REC114: variants seen among roughly 807,000 people sequenced by gnomAD.
REC114 encodes the protein REC114 meiotic recombination protein.
A neutral mutation model predicts 31.3 loss-of-function variants in REC114; 27 were observed. That is an observed-to-expected ratio of 0.86 (90% CI 0.64 to 1.19). The LOEUF is 1.19. Among genes scored for constraint, REC114 ranks in the 50% most tolerant of loss-of-function variants. The pLI is 0.00. For synonymous variants in REC114, 134 were observed against 127.7 expected (o/e 1.05, Z -0.33); for missense variants, 344 against 326.9 (o/e 1.05, Z -0.40).
Position 73,550,919 on chromosome 15 carries a change from CTT to C in REC114, c.334-16_334-15del. 6.2e-7 allele frequency: 1 copy of C among 1,612,098 alleles called. No homozygotes were observed. Among genetic ancestry groups the C allele is most frequent in the East Asian group, 2.2e-5 (1 of 44,874 alleles). Reference sequence around the variant, plus strand: ...ATATGATGAGGGTCTCTCATGATAACTTTTGATTTGTCAAACAGGACAAGAGT... The same window carrying C: ...ATATGATGAGGGTCTCTCATGATAACTTGATTTGTCAAACAGGACAAGAGT... On this transcript the variant is annotated splice_polypyrimidine_tract_variant and intron_variant, in intron 3 of 5. Transcript: ENST00000331090.
At chr15:73,466,020 T>G (rs1222714205) in intron 1 of REC114, among the ~76,000 whole-genome samples, 1 of 151,084 alleles carries the variant, frequency 6.6e-6, no homozygotes, top group Admixed American at 6.6e-5. Flanking sequence ...CCTGGCTAAT[T>G]TTTTCATTTT....
chr15:73,481,749 C>T (rs1022437625), intron 2 of REC114, among the ~76,000 whole-genome samples: 2 of 149,816 alleles, frequency 1.3e-5, no homozygotes, highest in South Asian at 2.1e-4. Context: ...ACCTCTGCCT[C>T]CCAGGTTCAA....
intron 3 of REC114, among the ~76,000 whole-genome samples, chr15:73,546,281 A>C (rs1034039540): frequency 3.9e-5 from 6 of 152,138 alleles, no homozygotes; most frequent in Admixed American, 2.0e-4. Flanking sequence ...GGTGGGAGTA[A>C]ATAAGCCCTG....
chr15:73,551,450 T>TAA (rs1299182367), intron 4 of REC114, among the ~76,000 whole-genome samples: 5 of 152,138 alleles, frequency 3.3e-5, no homozygotes, highest in African/African-American at 1.2e-4. Context: ...TTATTTTTCT[T>TAA]AATATTTAAA....
intron 2 of REC114, among the ~76,000 whole-genome samples, chr15:73,532,751 G>A (rs987136668): frequency 6.6e-6 from 1 of 152,102 alleles, no homozygotes; most frequent in African/African-American, 2.4e-5. Flanking sequence ...CACCAAAGTT[G>A]AAATAAAGGA....
At chr15:73,535,237 A>ATT (rs1894138718) in intron 2 of REC114, among the ~76,000 whole-genome samples, 1 of 150,464 alleles carries the variant, frequency 6.6e-6, no homozygotes, top group South Asian at 2.1e-4. Flanking sequence ...AGGAAGCCAA[A>ATT]TTGTCCCTGT....
chr15:73,485,118 G>GTC (rs1893347565), intron 2 of REC114, among the ~76,000 whole-genome samples: 1 of 152,132 alleles, frequency 6.6e-6, no homozygotes, highest in Non-Finnish European at 1.5e-5. Flanking sequence ...TTGAGATGGA[G>GTC]TCTCACTCTG....
chr15:73,452,826 C>T (rs796315982), intron 1 of REC114, among the ~76,000 whole-genome samples: 6 of 152,148 alleles, frequency 3.9e-5, no homozygotes, highest in Admixed American at 3.3e-4. Flanking sequence ...AGAAATAACA[C>T]CACACATCTA....
rs182975254 is a variant in REC114, at chr15:73,471,379, A to C, written c.160-2453A>C. On this transcript the variant is annotated intron_variant, in intron 1 of 5. Coordinates refer to ENST00000331090, the MANE Select transcript of REC114 (RefSeq NM_001042367.2). ...ATGGAAGGAAAGAATTAATTTCTTA[A>C]GTGTTGCATATAGAAACCTGAAAAA... Among the ~76,000 whole-genome samples, 829 of 152,292 alleles carry C rather than the reference A, an allele frequency of 5.4e-3. 5 individuals are homozygous for C. Among genetic ancestry groups the C allele is most frequent in the African/African-American group, 0.019 (787 of 41,522 alleles).
At chr15:73,486,414 T>G (rs1426005329) in intron 2 of REC114, among the ~76,000 whole-genome samples, 1 of 152,162 alleles carries the variant, frequency 6.6e-6, no homozygotes, top group East Asian at 1.9e-4. Flanking sequence ...TTTCTTATCT[T>G]CCTGGCTTTT....
At chr15:73,489,836 C>G (rs1225412726) in intron 2 of REC114, among the ~76,000 whole-genome samples, 1 of 152,060 alleles carries the variant, frequency 6.6e-6, no homozygotes, top group African/African-American at 2.4e-5. Context: ...TCCTTCCAAA[C>G]TCTAACAACA....
chr15:73,452,221 A>G (rs1892860327), intron 1 of REC114, among the ~76,000 whole-genome samples: 1 of 152,216 alleles, frequency 6.6e-6, no homozygotes, highest in African/African-American at 2.4e-5. Flanking sequence ...ACATGGTTGT[A>G]TATTTAGAAA....
intron 2 of REC114, among the ~76,000 whole-genome samples, chr15:73,476,087 T>TTTA (rs1466067058): frequency 2.0e-5 from 3 of 152,192 alleles, no homozygotes; most frequent in South Asian, 4.1e-4. Context: ...CATCGAGGTT[T>TTTA]GCATAAGTGT....
intron 2 of REC114, among the ~76,000 whole-genome samples, chr15:73,504,221 G>A (rs1302947777): frequency 6.6e-6 from 1 of 151,940 alleles, no homozygotes; most frequent in African/African-American, 2.4e-5. Flanking sequence ...TGGCCAGATG[G>A]TCTCGATCTC....
chr15:73,466,065 C>T (rs1567854365), intron 1 of REC114, among the ~76,000 whole-genome samples: 1 of 151,264 alleles, frequency 6.6e-6, no homozygotes, highest in Non-Finnish European at 1.5e-5. Context: ...GTTGGTCAGG[C>T]TGGTCTCAAT....
intron 2 of REC114, among the ~76,000 whole-genome samples, chr15:73,533,905 A>G (rs545784754): frequency 9.7e-6 from 1 of 102,570 alleles, no homozygotes; most frequent in South Asian, 3.9e-4. Flanking sequence ...GCTCAACTAC[A>G]TGGAAACTGA....
chr15:73,465,932 A>C (rs996420017), intron 1 of REC114, among the ~76,000 whole-genome samples: 18 of 152,050 alleles, frequency 1.2e-4, no homozygotes, highest in Non-Finnish European at 1.5e-4. Flanking sequence ...GCTCATTGCA[A>C]CCTCTGCCTT....
At chr15:73,513,792 G>C (rs1183516665) in intron 2 of REC114, among the ~76,000 whole-genome samples, 21 of 151,506 alleles carry the variant, frequency 1.4e-4, no homozygotes, top group Admixed American at 1.4e-3. Flanking sequence ...TGAGGAGGCA[G>C]TCTGCCGGTT....
intron 2 of REC114, among the ~76,000 whole-genome samples, chr15:73,513,296 C>G (rs930151182): frequency 3.9e-4 from 60 of 151,948 alleles, no homozygotes; most frequent in Non-Finnish European, 7.8e-4. Context: ...TCAGCTCCAT[C>G]AGCTCCTTTA....
Sources: allele counts gnomAD v4.1 joint callset (sites outside exome capture counted in the v4.1 genomes callset), GRCh38; gene constraint gnomAD v4.1.1; transcripts MANE v1.5; gene names NCBI Gene and HGNC (gene_info 2026-07-23, HGNC 2026-07-21).